Variants in ADGRG1 observed in about 807,000 individuals in gnomAD.
ADGRG1 encodes the protein adhesion G protein-coupled receptor G1.
In ADGRG1, 53 loss-of-function variants were observed where a neutral mutation model predicts 73.5. The ratio of observed to expected loss-of-function variants is 0.72; its 90% CI spans 0.58 to 0.91. The LOEUF (loss-of-function observed/expected upper bound fraction) is 0.91, where lower values mean the gene tolerates loss of function less well. Among genes scored for constraint, ADGRG1 ranks in the 40% least tolerant of loss-of-function variants. ADGRG1 has a pLI of 0.00. For missense variants in ADGRG1, 795 were observed against 871.8 expected, an observed-to-expected ratio of 0.91 and a Z score of 1.11; for synonymous variants, 394 against 374.4, an observed-to-expected ratio of 1.05 and a Z score of -0.60.
At chr16:57,629,113 T>A (rs2036985994) in intron 1 of ADGRG1, 1 of 929,610 alleles carries the variant, frequency 1.1e-6, no homozygotes, top group Non-Finnish European at 1.3e-6. Flanking sequence ...GATGTGTGCA[T>A]CCGTGCACGG....
At chr16:57,641,117 G>T in intron 1 of ADGRG1, 1 of 915,456 alleles carries the variant, frequency 1.1e-6, no homozygotes, top group Non-Finnish European at 1.3e-6. Context: ...AGCCTGGAGG[G>T]CCCTGGCTGC....
chr16:57,637,468 C>T (rs1465423124), intron 1 of ADGRG1: 5 of 985,232 alleles, frequency 5.1e-6, no homozygotes, highest in Non-Finnish European at 6.0e-6. Flanking sequence ...CTGTACCTCC[C>T]CCCAGGTCCC....
upstream of ADGRG1, chr16:57,622,813 C>G (rs1252122061): frequency 4.1e-6 from 4 of 985,156 alleles, no homozygotes; most frequent in Non-Finnish European, 4.8e-6. Flanking sequence ...CAGCGGGGCA[C>G]CCAGGCATGC....
chr16:57,629,155 TGAAATGGG>T (rs556154829), intron 1 of ADGRG1: 4 of 982,734 alleles, frequency 4.1e-6, no homozygotes, highest in Non-Finnish European at 4.8e-6. Flanking sequence ...GGGATGGTGG[TGAAATGGG>T]GAAATGGGGG....
chr16:57,644,185 T>A lies in ADGRG1; in HGVS notation c.-35-6068T>A, dbSNP rs542871586. 57 of 984,846 alleles carry A rather than the reference T, an allele frequency of 5.8e-5. No homozygotes were observed. In the South Asian group the frequency reaches 1.4e-3, roughly 24 times the overall value. The allele number at this position is 984,846 out of a possible 1,614,324, so 61.0% of individuals were successfully genotyped here. ...CCCGCCTTCTCTTGCTTTCTCCTCC[T>A]GGCCCCATGCATCCCTGTGTATGCA... On this transcript the variant is annotated intron_variant, in intron 1 of 13. Transcript: ENST00000562631.
At chr16:57,632,203 C>T (rs1469144651) in intron 1 of ADGRG1, 2 of 985,322 alleles carry the variant, frequency 2.0e-6, no homozygotes, top group East Asian at 1.1e-4. Context: ...AGAGGAGGCT[C>T]CTCAGCCAGC....
At chr16:57,659,300 G>C in intron 10 of ADGRG1, 113 bp from the exon 11 acceptor site, 1 of 1,587,472 alleles carries the variant, frequency 6.3e-7, no homozygotes, top group Non-Finnish European at 8.5e-7. Flanking sequence ...ATGTATGACT[G>C]CATGTGTGTG....
chr16:57,644,251 T>TAC, intron 1 of ADGRG1: 4 of 895,996 alleles, frequency 4.5e-6, no homozygotes, highest in Non-Finnish European at 5.3e-6. Flanking sequence ...TGCACACACA[T>TAC]GCACAGTCAT....
chr16:57,639,828 C>T, intron 1 of ADGRG1: 2 of 922,580 alleles, frequency 2.2e-6, no homozygotes, highest in South Asian at 5.0e-5. Context: ...TTTTCCTCTC[C>T]CGTGCATTCC....
intron 1 of ADGRG1, chr16:57,634,339 G>A: frequency 2.4e-5 from 24 of 985,374 alleles, no homozygotes; most frequent in Non-Finnish European, 2.9e-5. Flanking sequence ...GGGGCTGGCA[G>A]GGGCCCCTGA....
Position 57,651,473 on chromosome 16 carries a change from G to A in ADGRG1, c.338G>A (p.Ser113Asn). 6.2e-7 allele frequency: 1 copy of A among 1,614,238 alleles called. No individual in the cohort carries two copies. Among genetic ancestry groups the A allele is most frequent in the Non-Finnish European group, 8.5e-7 (1 of 1,180,036 alleles). Residue 113 changes from serine to asparagine, a missense_variant, in exon 3 of 14, where the codon AGT (serine) becomes AAT (asparagine). By Grantham distance (46) the Ser-to-Asn change is conservative. Transcript: ENST00000562631. ...TATGGCAAGCGTGACTTCTTGCTGAGTGACAAAGCCTCTAGCCTCCTCTGC... is the reference window on the plus strand; with the variant it reads ...TATGGCAAGCGTGACTTCTTGCTGAATGACAAAGCCTCTAGCCTCCTCTGC... ...LLYGKRDFLLSDKASSLLCFQ... is the reference protein window; with the variant it reads ...LLYGKRDFLLNDKASSLLCFQ...
rs144347830 is a variant in ADGRG1 at position 57,651,580 on chromosome 16, A to G, written c.445A>G (p.Ile149Val). ...CACCTCCTGGTGGAGCCCTCAGAACATCAGCCTGCCCAGTGCCGCCAGCTT... is the reference window on the plus strand; with the variant it reads ...CACCTCCTGGTGGAGCCCTCAGAACGTCAGCCTGCCCAGTGCCGCCAGCTT... ...SVTSWWSPQN[I>V]SLPSAASFTF... Residue 149 changes from isoleucine (I) to valine (V), a missense_variant, in exon 3 of 14, where the codon ATC becomes GTC. Transcript: ENST00000562631. 3.7e-6 allele frequency: 6 copies of G among 1,613,944 alleles called. No individual in the cohort carries two copies. Among genetic ancestry groups the G allele is most frequent in the Non-Finnish European group, 5.1e-6 (6 of 1,180,044 alleles).
upstream of ADGRG1, chr16:57,627,786 C>A: frequency 1.0e-6 from 1 of 985,416 alleles, no homozygotes; most frequent in Non-Finnish European, 1.2e-6. Flanking sequence ...TCCAAAGCCT[C>A]CTGACTCGAG....
intron 1 of ADGRG1, chr16:57,632,401 A>G (rs2038203922): frequency 1.2e-6 from 1 of 815,676 alleles, no homozygotes; most frequent in African/African-American, 1.9e-5. Context: ...GATCACAATC[A>G]CATCTGCTTC....
chr16:57,656,419 G>C, intron 8 of ADGRG1, 95 bp from the exon 9 acceptor site: 1 of 1,607,470 alleles, frequency 6.2e-7, no homozygotes, highest in Non-Finnish European at 8.5e-7. Context: ...GAGTAGGCCG[G>C]GTGGAAGAAT....
intron 5 of ADGRG1, 119 bp from the exon 6 acceptor site, chr16:57,655,280 G>A: frequency 6.3e-7 from 1 of 1,575,092 alleles, no homozygotes; most frequent in Non-Finnish European, 8.6e-7. Flanking sequence ...ACTTCCTGAA[G>A]AAATGGGCTT....
rs941808645 is a variant in ADGRG1 at position 57,630,923 on chromosome 16, T to C, written c.-36+2121T>C. On this transcript the variant is annotated intron_variant, in intron 1 of 13. Transcript: ENST00000562631. ...GATACCGGACCCCTGGCATGGGTCA[T>C]TTCATGGGACTTGATGAGCCAGGCC... The C allele has an allele frequency of 5.3e-5, 52 of 983,986 alleles. No homozygotes were observed. The African/African-American group carries it at 8.9e-4, about 17-fold the overall frequency. The allele number at this position is 983,986 out of a possible 1,614,324, so 61.0% of individuals were successfully genotyped here.
intron 5 of ADGRG1, among the ~76,000 whole-genome samples, chr16:57,654,347 A>C (rs2044944235): frequency 6.7e-6 from 1 of 150,030 alleles, no homozygotes; most frequent in Non-Finnish European, 1.5e-5. Flanking sequence ...TCTGCTTCCT[A>C]TACCAGTCTC....
chr16:57,630,103 G>A (rs1689285986), intron 1 of ADGRG1: 4 of 769,308 alleles, frequency 5.2e-6, no homozygotes, highest in Non-Finnish European at 6.3e-6. Context: ...GCTCTGTCGG[G>A]AACATGGCCG....
Sources: gnomAD v4.1 joint callset for allele counts (sites outside exome capture counted in the v4.1 genomes callset) on GRCh38, gnomAD v4.1.1 for gene constraint, MANE v1.5 for transcripts, NCBI Gene and HGNC (gene_info 2026-07-23, HGNC 2026-07-21) for gene names.